Variants in GSK3B observed in about 807,000 individuals in gnomAD.
The protein encoded by GSK3B is glycogen synthase kinase 3 beta.
Under a neutral mutation model 56.4 loss-of-function variants are expected in GSK3B, and 15 were observed. The observed-to-expected ratio is 0.27, with a 90% CI of 0.18 to 0.41. GSK3B has a LOEUF of 0.41. Ranked by LOEUF, GSK3B falls within the 10% of genes least tolerant of loss-of-function variation. GSK3B has a pLI of 1.00. For missense variants in GSK3B, 300 were observed against 513.4 expected, an observed-to-expected ratio of 0.58 and a Z score of 4.02; for synonymous variants, 181 against 188.9, an observed-to-expected ratio of 0.96 and a Z score of 0.34.
At chr3:119,887,041 CAG>C (rs2056444756) in intron 7 of GSK3B, among the ~76,000 whole-genome samples, 1 of 152,036 alleles carries the variant, frequency 6.6e-6, no homozygotes, top group African/African-American at 2.4e-5. Context: ...CTGTTAATAA[CAG>C]AGGTCTTTAG....
intron 7 of GSK3B, among the ~76,000 whole-genome samples, chr3:119,902,593 C>T (rs2056635561): frequency 6.6e-6 from 1 of 152,102 alleles, no homozygotes; most frequent in Non-Finnish European, 1.5e-5. Context: ...GACAGGGTTT[C>T]ACCATGTTGG....
At position 120,002,257 on chromosome 3, in the gene GSK3B, A is replaced by AT. The variant is rs72546692; in HGVS notation, c.89-19dup. ...CTTGTCTCCTAAAGGAAGAAAGGAAATTTTTTTTTCACGAGAACTGTAAGG... is the reference window on the plus strand; with the variant it reads ...CTTGTCTCCTAAAGGAAGAAAGGAAATTTTTTTTTTCACGAGAACTGTAAGG... On this transcript the variant is annotated intron_variant, in intron 1 of 10. Coordinates refer to ENST00000264235, the MANE Select transcript of GSK3B (RefSeq NM_001146156.2). 972 of 1,474,994 alleles carry AT rather than the reference A, an allele frequency of 6.6e-4. 4 individuals are homozygous for AT. Among genetic ancestry groups the AT allele is most frequent in the African/African-American group, 4.0e-3 (274 of 69,162 alleles). The allele number at this position is 1,474,994 out of a possible 1,614,324, so 91.4% of individuals were successfully genotyped here.
chr3:119,923,969 T>C (rs1288054810), intron 3 of GSK3B, among the ~76,000 whole-genome samples: 2 of 152,156 alleles, frequency 1.3e-5, no homozygotes, highest in East Asian at 1.9e-4. Context: ...ATATGAAAAG[T>C]CAGACTAAAC....
rs2057684344 is a variant in GSK3B, at chr3:120,002,224, C to T, written c.104G>A (p.Ser35Asn). The T allele has an allele frequency of 6.4e-7, 1 of 1,561,216 alleles. No homozygotes were observed. Among genetic ancestry groups the T allele is most frequent in the African/African-American group, 1.4e-5 (1 of 72,062 alleles). Residue 35 changes from serine (S) to asparagine (N), a missense_variant, in exon 2 of 11, where the codon AGC becomes AAC. Ser to Asn is a conservative substitution (Grantham distance 46). Around this residue, in one of 6 missense-constraint regions of GSK3B, gnomAD observed 53 missense variants for 64.6 expected, o/e 0.82. Coordinates refer to ENST00000264235, the MANE Select transcript of GSK3B (RefSeq NM_001146156.2). Reference protein sequence around the residue: ...SMKVSRDKDGSKVTTVVATPG... With the variant: ...SMKVSRDKDGNKVTTVVATPG... The stretch of plus-strand genomic sequence containing the variant: ...AGTTGCCACCACTGTTGTCACCTTG[C>T]TGCCGTCCTTGTCTCCTAAAGGAAG...
intron 1 of GSK3B, among the ~76,000 whole-genome samples, chr3:120,012,261 T>C (rs1026058689): frequency 5.3e-5 from 8 of 152,222 alleles, no homozygotes; most frequent in African/African-American, 1.9e-4. Flanking sequence ...TTTCAGACCA[T>C]AGCACTGCTT....
At chr3:120,068,920 T>A (rs1418242611) in intron 1 of GSK3B, among the ~76,000 whole-genome samples, 2 of 151,994 alleles carry the variant, frequency 1.3e-5, no homozygotes, top group African/African-American at 2.4e-5. Flanking sequence ...ATTCACTATC[T>A]GTTTGGGAGT....
chr3:120,037,647 C>T (rs2058033659), intron 1 of GSK3B, among the ~76,000 whole-genome samples: 2 of 150,372 alleles, frequency 1.3e-5, no homozygotes, highest in Non-Finnish European at 2.9e-5. Flanking sequence ...TAAAGCACTA[C>T]AGCTCTTTTT....
intron 2 of GSK3B, among the ~76,000 whole-genome samples, chr3:119,960,068 T>C (rs2057256440): frequency 7.0e-6 from 1 of 143,806 alleles, no homozygotes; most frequent in Non-Finnish European, 1.5e-5. Context: ...ATCCATACCA[T>C]GGAATACTAC....
chr3:120,073,570 C>T (rs1461453646), intron 1 of GSK3B, among the ~76,000 whole-genome samples: 3 of 152,258 alleles, frequency 2.0e-5, no homozygotes, highest in South Asian at 4.1e-4. Flanking sequence ...TTATATATGA[C>T]TGACAATTAC....
intron 1 of GSK3B, among the ~76,000 whole-genome samples, chr3:120,003,335 C>T (rs780524432): frequency 4.6e-5 from 7 of 152,144 alleles, no homozygotes; most frequent in East Asian, 1.9e-4. Flanking sequence ...AATTCTTAAT[C>T]GATTCTGTGT....
intron 2 of GSK3B, among the ~76,000 whole-genome samples, chr3:119,948,711 T>G (rs756693847): frequency 7.4e-4 from 112 of 152,350 alleles, no homozygotes; most frequent in Middle Eastern, 6.8e-3. Flanking sequence ...TTTGTTTGTT[T>G]GTTTGAGACA....
chr3:120,041,681 ATG>A (rs1299082001), intron 1 of GSK3B: 3 of 144,170 alleles, frequency 2.1e-5, no homozygotes, highest in African/African-American at 8.9e-5. Context: ...GAAAGCACAC[ATG>A]TTTAGATTTA....
chr3:120,028,526 T>C (rs2057948259), intron 1 of GSK3B, among the ~76,000 whole-genome samples: 1 of 152,232 alleles, frequency 6.6e-6, no homozygotes, highest in Non-Finnish European at 1.5e-5. Flanking sequence ...TTAACTCTCA[T>C]GCCCCTACTA....
intron 1 of GSK3B, among the ~76,000 whole-genome samples, chr3:120,019,233 G>C (rs190836321): frequency 6.6e-6 from 1 of 151,372 alleles, no homozygotes; most frequent in East Asian, 1.9e-4. Flanking sequence ...AATATTTTTG[G>C]TGAGCTGATG....
At chr3:119,993,155 A>G (rs1226650890) in intron 2 of GSK3B, among the ~76,000 whole-genome samples, 1 of 151,956 alleles carries the variant, frequency 6.6e-6, no homozygotes, top group Non-Finnish European at 1.5e-5. Context: ...GAAAAAAAAA[A>G]AAAGAAAATG....
chr3:119,862,521 TAATA>T (rs1489950355), intron 9 of GSK3B, among the ~76,000 whole-genome samples: 14 of 22,360 alleles, frequency 6.3e-4, no homozygotes, highest in Non-Finnish European at 1.7e-3. Context: ...ACTTAGAGTA[TAATA>T]AAAAAAAAAA....
chr3:120,064,551 T>A (rs552882793), intron 1 of GSK3B, among the ~76,000 whole-genome samples: 1 of 152,156 alleles, frequency 6.6e-6, no homozygotes, highest in South Asian at 2.1e-4. Flanking sequence ...TGTTCATGGA[T>A]AGGAAGACAT....
intron 3 of GSK3B, among the ~76,000 whole-genome samples, chr3:119,937,611 C>T (rs753063825): frequency 9.9e-5 from 15 of 151,924 alleles, no homozygotes; most frequent in South Asian, 6.2e-4. Context: ...CCAAGACTTA[C>T]GGGATGCAGC....
At chr3:119,970,114 C>T (rs1440767220) in intron 2 of GSK3B, among the ~76,000 whole-genome samples, 1 of 152,162 alleles carries the variant, frequency 6.6e-6, no homozygotes, top group Non-Finnish European at 1.5e-5. Context: ...TTGTTAATCT[C>T]TTACTGTGTT....
Sources: allele counts gnomAD v4.1 joint callset (sites outside exome capture counted in the v4.1 genomes callset), GRCh38; gene constraint gnomAD v4.1.1; regional missense constraint gnomAD v4.1.1; transcripts MANE v1.5; gene names NCBI Gene and HGNC (gene_info 2026-07-23, HGNC 2026-07-21).